POLN: variants seen among roughly 807,000 people sequenced by gnomAD.
The protein encoded by POLN is DNA polymerase N.
Under a neutral mutation model 113.5 loss-of-function variants are expected in POLN, and 108 were observed. The observed-to-expected ratio is 0.95, with a 90% CI of 0.81 to 1.12. The LOEUF (loss-of-function observed/expected upper bound fraction) is 1.12, where lower values mean the gene tolerates loss of function less well. POLN is among the 50% of genes most tolerant of loss of function. The pLI, the probability that POLN is intolerant of heterozygous loss-of-function variation, is 0.00. For missense variants in POLN, 1,097 were observed against 1,077.1 expected, an observed-to-expected ratio of 1.02 and a Z score of -0.26; for synonymous variants, 386 against 391.5, an observed-to-expected ratio of 0.99 and a Z score of 0.17.
intron 23 of POLN, chr4:2,078,860 G>A: frequency 8.1e-6 from 8 of 985,478 alleles, no homozygotes; most frequent in Non-Finnish European, 9.6e-6. Flanking sequence ...GACTCAGTCA[G>A]CAACAGAGAG....
At chr4:2,169,831 G>C (rs1052096934) in intron 13 of POLN, among the ~76,000 whole-genome samples, 1 of 152,186 alleles carries the variant, frequency 6.6e-6, no homozygotes, top group African/African-American at 2.4e-5. Context: ...AGAGGATTTG[G>C]AAGAGGGCAG....
intron 19 of POLN, among the ~76,000 whole-genome samples, chr4:2,107,602 C>T (rs548882833): frequency 6.6e-5 from 10 of 152,106 alleles, no homozygotes; most frequent in South Asian, 2.1e-4. Flanking sequence ...TGGGAGATAA[C>T]GAAGGCCTGA....
intron 19 of POLN, among the ~76,000 whole-genome samples, chr4:2,123,552 G>C (rs986807080): frequency 1.3e-5 from 2 of 150,074 alleles, no homozygotes; most frequent in East Asian, 3.9e-4. Flanking sequence ...TTGATCCTGG[G>C]AGACGGAGGT....
chr4:2,212,828 A>G (rs1405722341), intron 4 of POLN, among the ~76,000 whole-genome samples: 3 of 151,968 alleles, frequency 2.0e-5, no homozygotes, highest in African/African-American at 4.8e-5. Flanking sequence ...TGTTCCTCCT[A>G]TTGTCCCCAG....
In POLN at chr4:2,241,542, C is replaced by T. The variant is rs1734988373; in HGVS notation, c.-35G>A. ...TACCTCAACGTCTCGCCGGGCAAGG[C>T]TCCACCTCCAGAGTCCACCACCGCG... is the stretch of plus-strand genomic sequence containing the variant. On this transcript the variant is annotated 5_prime_UTR_variant, in exon 2 of 26. Transcript: ENST00000511885. 1 of 985,836 alleles carries T rather than the reference C, an allele frequency of 1.0e-6. No individual in the cohort carries two copies. Among genetic ancestry groups the T allele is most frequent in the Admixed American group, 6.1e-5 (1 of 16,274 alleles). The allele number at this position is 985,836 out of a possible 1,614,324, so 61.1% of individuals were successfully genotyped here.
rs527259271 is a variant in POLN, at chr4:2,198,582, G to C, written c.850C>G (p.Gln284Glu). ...FVSDDPCIYIQIEHSAIWDQE... is the reference protein window; with the variant it reads ...FVSDDPCIYIEIEHSAIWDQE... ...TCCCAGATAGCAGAGTGCTCTATTT[G>C]AATGTAGATGCATGGATCATCTGAC... The change falls in exon 6 of 26, where the codon CAA becomes GAA. Residue 284 changes from glutamine to glutamate, a missense_variant. Physicochemically the swap from Gln to Glu is conservative, Grantham distance 29 (BLOSUM62 2). Transcript: ENST00000511885. The C allele has an allele frequency of 3.7e-6, 6 of 1,613,684 alleles. No individual in the cohort carries two copies. Among genetic ancestry groups the C allele is most frequent in the Admixed American group, 1.7e-5 (1 of 59,936 alleles).
At chr4:2,240,330 T>C (rs1267858162) in intron 2 of POLN, 2 of 1,603,760 alleles carry the variant, frequency 1.2e-6, no homozygotes, top group South Asian at 1.1e-5. Context: ...TTGCTCTTCC[T>C]GACTTAGGTA....
intron 16 of POLN, chr4:2,156,312 T>C (rs1274767328): frequency 7.9e-6 from 3 of 380,488 alleles, no homozygotes; most frequent in Non-Finnish European, 1.6e-5. Flanking sequence ...TACAGAGCCA[T>C]TTAGAAAGTT....
chr4:2,171,033 A>G, intron 12 of POLN, 65 bp downstream of exon 12: 1 of 1,380,980 alleles, frequency 7.2e-7, no homozygotes, highest in South Asian at 1.3e-5. Context: ...TAAATTCAAA[A>G]TAAATCTCCC....
rs897835327 is a variant in POLN at position 2,146,352 on chromosome 4, A to T, written c.1731+10436T>A. ...GAAACTCCGTTTCTACTAAAAATACAAAAAAATTAGCCAGGCGTGGTGGCA... is the reference window on the plus strand; with the variant it reads ...GAAACTCCGTTTCTACTAAAAATACTAAAAAATTAGCCAGGCGTGGTGGCA... On this transcript the variant is annotated intron_variant, in intron 16 of 25. Transcript: ENST00000511885. 1.2e-3 allele frequency among the ~76,000 whole-genome samples: 7 copies of T among 5,870 alleles called. No individual in the cohort carries two copies. The Non-Finnish European group carries it at 0.016, about 14-fold the overall frequency. 3.9% of individuals were successfully genotyped at this position (5,870 alleles called of 152,430 possible).
At chr4:2,102,626 G>A (rs567780559) in intron 19 of POLN, among the ~76,000 whole-genome samples, 20 of 152,270 alleles carry the variant, frequency 1.3e-4, no homozygotes, top group African/African-American at 4.8e-4. Flanking sequence ...GCCTGGAACC[G>A]CCAATACAGG....
intron 5 of POLN, among the ~76,000 whole-genome samples, chr4:2,206,207 G>T (rs1473771204): frequency 6.6e-6 from 1 of 152,162 alleles, no homozygotes; most frequent in Non-Finnish European, 1.5e-5. Context: ...CATGTAAAAT[G>T]AAACTGGATC....
chr4:2,130,304 G>A (rs1294144306), intron 17 of POLN, among the ~76,000 whole-genome samples: 2 of 147,930 alleles, frequency 1.4e-5, no homozygotes, highest in African/African-American at 2.5e-5. Context: ...GGGGAGGGGA[G>A]GGGAGGGGAG....
Position 2,241,560 on chromosome 4 carries a change from C to A in POLN, c.-53G>T. On this transcript the variant is annotated 5_prime_UTR_variant, in exon 2 of 26. Transcript: ENST00000511885. ...GGCAAGGCTCCACCTCCAGAGTCCA[C>A]CACCGCGACGCGGAGAACAGCAGGA... The A allele has an allele frequency of 3.0e-6, 3 of 985,872 alleles. No homozygotes were observed. Among genetic ancestry groups the A allele is most frequent in the Non-Finnish European group, 3.6e-6 (3 of 830,272 alleles). 61.1% of individuals were successfully genotyped at this position (985,872 alleles called of 1,614,324 possible).
rs149342459 is a variant in POLN at position 2,149,296 on chromosome 4, A to AAAAC, written c.1731+7488_1731+7491dup. ...GCGACAGGAGTGAAACCCTATCTCA[A>AAAAC]AAACAAACAAACAAACAAACAAACA... On this transcript the variant is annotated intron_variant, in intron 16 of 25. Transcript: ENST00000511885. Among the ~76,000 whole-genome samples the AAAAC allele has an allele frequency of 5.2e-3, 786 of 150,792 alleles. 9 individuals carry two copies. Among genetic ancestry groups the AAAAC allele is most frequent in the African/African-American group, 0.016 (661 of 40,986 alleles).
intron 5 of POLN, among the ~76,000 whole-genome samples, chr4:2,205,481 T>C (rs1733819097): frequency 6.6e-6 from 1 of 152,022 alleles, no homozygotes; most frequent in South Asian, 2.1e-4. Flanking sequence ...CATGGAAGGG[T>C]AGAATCAATA....
At chr4:2,103,879 C>T (rs34051586) in intron 19 of POLN, among the ~76,000 whole-genome samples, 26 of 152,332 alleles carry the variant, frequency 1.7e-4, no homozygotes, top group African/African-American at 6.0e-4. Flanking sequence ...ATATAACCTT[C>T]ATAAATGAAG....
At position 2,228,514 on chromosome 4, in the gene POLN, T is replaced by G. The variant is rs187407586; in HGVS notation, c.133+585A>C. ...CACCACTCCCAGCTAATTTTTTGTA[T>G]TTTTAGTAGAGACAGTGTTTTACCG... On this transcript the variant is annotated intron_variant, in intron 3 of 25. Transcript: ENST00000511885. 5.3e-3 allele frequency: 1,027 copies of G among 194,868 alleles called. 8 individuals carry two copies. Among genetic ancestry groups the G allele is most frequent in the Middle Eastern group, 0.011 (5 of 438 alleles). 12.1% of individuals were successfully genotyped at this position (194,868 alleles called of 1,614,324 possible).
chr4:2,193,312 C>T lies in POLN; in HGVS notation c.913G>A (p.Val305Met), dbSNP rs112089481. 9.4e-5 allele frequency: 148 copies of T among 1,576,456 alleles called. No individual in the cohort carries two copies. Among genetic ancestry groups the T allele is most frequent in the African/African-American group, 1.4e-4 (10 of 72,438 alleles). The change falls in exon 7 of 26, where the codon GTG becomes ATG. Residue 305 changes from valine to methionine, a missense_variant. Transcript: ENST00000511885. ...QEAHQQFARN[V>M]LFQTMKCKCP... ...TTACATTTCATTGTTTGAAATAGCA[C>T]GTTCCTAGAAGATGAAAAGAAATTC...
Sources: gnomAD v4.1 joint callset for allele counts (sites outside exome capture counted in the v4.1 genomes callset) on GRCh38, gnomAD v4.1.1 for gene constraint, MANE v1.5 for transcripts, NCBI Gene and HGNC (gene_info 2026-07-23, HGNC 2026-07-21) for gene names.